Variants in SYN3 observed in about 807,000 individuals in gnomAD.
SYN3 encodes the protein synapsin-3.
SYN3 carries 35 observed loss-of-function variants against 65.8 expected under a neutral mutation model. The observed-to-expected ratio is 0.53, with a 90% CI of 0.41 to 0.70. SYN3 has a LOEUF of 0.70. Ranked by LOEUF, SYN3 falls within the 30% of genes least tolerant of loss-of-function variation. The probability of loss-of-function intolerance (pLI) is 0.00; values close to 1 mark genes in which losing one functional copy is unlikely to be tolerated. For synonymous variants in SYN3, 270 were observed against 292.9 expected (o/e 0.92, Z 0.80); for missense variants, 680 against 749.0 (o/e 0.91, Z 1.08).
rs187525042 is a variant in SYN3, at chr22:32,821,075, C to T, written c.711+43840G>A. On this transcript the variant is annotated intron_variant, in intron 6 of 13. Transcript: ENST00000358763. The stretch of plus-strand genomic sequence containing the variant: ...ATTTTTGAGCATAAAGAATACCCAC[C>T]GGTGCAATCTCCCAGGCTCTTCTGA... Among the ~76,000 whole-genome samples the T allele has an allele frequency of 4.6e-4, 70 of 152,120 alleles. 1 individual carries two copies. The highest frequency in any genetic ancestry group is 1.5e-3 in the African/African-American group (61 of 41,496).
intron 4 of SYN3, among the ~76,000 whole-genome samples, chr22:32,922,825 G>A (rs1382499460): frequency 1.3e-5 from 2 of 152,190 alleles, no homozygotes; most frequent in Non-Finnish European, 2.9e-5. Context: ...CACACAGACT[G>A]CAAGTTGGGG....
chr22:32,802,646 C>T (rs890012379), intron 6 of SYN3, among the ~76,000 whole-genome samples: 1 of 152,168 alleles, frequency 6.6e-6, no homozygotes, highest in African/African-American at 2.4e-5. Context: ...CTGCAGGCTT[C>T]CCAGGCAAGC....
At chr22:32,852,399 C>T (rs532124406) in intron 6 of SYN3, among the ~76,000 whole-genome samples, 2 of 152,244 alleles carry the variant, frequency 1.3e-5, no homozygotes, top group South Asian at 4.2e-4. Context: ...CAGTGTAGGG[C>T]TGGACTTGTA....
intron 6 of SYN3, among the ~76,000 whole-genome samples, chr22:32,821,375 C>G (rs2047241745): frequency 6.6e-6 from 1 of 152,228 alleles, no homozygotes; most frequent in Non-Finnish European, 1.5e-5. Flanking sequence ...TCTGCACTTG[C>G]TCTTCTGCTA....
intron 5 of SYN3, among the ~76,000 whole-genome samples, chr22:32,866,865 A>G (rs2048700615): frequency 6.6e-6 from 1 of 152,074 alleles, no homozygotes; most frequent in South Asian, 2.1e-4. Context: ...GAGTGTTCCA[A>G]CTCTACATGG....
At chr22:33,023,409 T>G (rs1238582426) in intron 1 of SYN3, among the ~76,000 whole-genome samples, 6 of 152,212 alleles carry the variant, frequency 3.9e-5, no homozygotes, top group Non-Finnish European at 5.9e-5. Context: ...GCCTTTGCTC[T>G]TCCTTGACCT....
intron 1 of SYN3, among the ~76,000 whole-genome samples, chr22:33,051,733 C>T (rs2145976445): frequency 6.6e-6 from 1 of 152,248 alleles, no homozygotes; most frequent in African/African-American, 2.4e-5. Flanking sequence ...GATCAAAATC[C>T]ATGAGACCAT....
intron 6 of SYN3, among the ~76,000 whole-genome samples, chr22:32,734,348 G>C (rs1309701930): frequency 6.6e-6 from 1 of 152,246 alleles, no homozygotes; most frequent in Non-Finnish European, 1.5e-5. Context: ...CAGGTGCAGG[G>C]GGGAGAGAGT....
At chr22:32,655,959 C>T (rs2060136735) in intron 6 of SYN3, among the ~76,000 whole-genome samples, 1 of 152,190 alleles carries the variant, frequency 6.6e-6, no homozygotes, top group African/African-American at 2.4e-5. Context: ...TTCACCACTT[C>T]ATGACCATTG....
chr22:32,679,048 C>CTTTTTTTTTTTTTTTTTTTT (rs145971116), intron 6 of SYN3, among the ~76,000 whole-genome samples: 83 of 85,662 alleles, frequency 9.7e-4, no homozygotes, highest in Non-Finnish European at 1.4e-3. Flanking sequence ...TTGTTTCTTT[C>CTTTTTTTTTTTTTTTTTTTT]TTTTTTTTTT....
chr22:32,853,705 G>T (rs1339702080), intron 6 of SYN3, among the ~76,000 whole-genome samples: 1 of 152,174 alleles, frequency 6.6e-6, no homozygotes, highest in East Asian at 1.9e-4. Flanking sequence ...GGAGAAAGGG[G>T]ACCAAACTCA....
rs2046605235 is a variant in SYN3, at chr22:32,802,139, CCCCG to C, written c.711+62772_711+62775del. The C allele has an allele frequency of 6.4e-7, 1 of 1,574,376 alleles. No homozygotes were observed. On this transcript the variant is annotated intron_variant, in intron 6 of 13. Transcript: ENST00000358763. The stretch of plus-strand genomic sequence containing the variant: ...CCGACATCGGTAAGCGCTCCTGGTG[CCCCG>C]CCCGAGCCCCACGCTGCAGCCAGGA...
At chr22:32,617,038 G>C (rs139254788) in intron 6 of SYN3, among the ~76,000 whole-genome samples, 3 of 152,282 alleles carry the variant, frequency 2.0e-5, no homozygotes, top group Non-Finnish European at 2.9e-5. Flanking sequence ...GCTGGCCAAG[G>C]CTTCACGTTT....
rs555884392 is a variant in SYN3 at position 32,725,224 on chromosome 22, G to GT, written c.712-128489dup. Among the ~76,000 whole-genome samples the GT allele has an allele frequency of 1.9e-3, 283 of 151,988 alleles. 2 individuals are homozygous for GT. Among genetic ancestry groups the GT allele is most frequent in the Non-Finnish European group, 3.0e-3 (205 of 67,954 alleles). On this transcript the variant is annotated intron_variant, in intron 6 of 13. Coordinates refer to ENST00000358763, the MANE Select transcript of SYN3 (RefSeq NM_003490.4). Reference sequence around the variant, plus strand: ...CAAGGGTTTCTTTCCACCACAGCAGGTTTTTTTTGCTACTTTGGAGGATGA... The same window carrying GT: ...CAAGGGTTTCTTTCCACCACAGCAGGTTTTTTTTTGCTACTTTGGAGGATGA...
At chr22:32,596,379 G>A (rs77326564) in intron 7 of SYN3, among the ~76,000 whole-genome samples, 8 of 152,124 alleles carry the variant, frequency 5.3e-5, no homozygotes, top group Admixed American at 2.0e-4. Flanking sequence ...AAATAATTAC[G>A]CTCAATAAAA....
intron 10 of SYN3, among the ~76,000 whole-genome samples, chr22:32,529,459 C>G (rs1055477318): frequency 2.6e-5 from 4 of 152,218 alleles, no homozygotes; most frequent in Admixed American, 2.6e-4. Flanking sequence ...CTGGAGTTGA[C>G]CCAGGGTTCA....
intron 3 of SYN3, among the ~76,000 whole-genome samples, chr22:32,940,581 T>C (rs2050908418): frequency 6.6e-6 from 1 of 152,242 alleles, no homozygotes; most frequent in South Asian, 2.1e-4. Flanking sequence ...TTTTTTCATA[T>C]GGTTATTCAT....
chr22:32,646,853 G>C (rs2059990881), intron 6 of SYN3, among the ~76,000 whole-genome samples: 1 of 152,208 alleles, frequency 6.6e-6, no homozygotes, highest in South Asian at 2.1e-4. Flanking sequence ...TTTTGGATGA[G>C]ATATTCCAGA....
chr22:32,972,042 G>T (rs1223090118), intron 3 of SYN3, among the ~76,000 whole-genome samples: 1 of 152,152 alleles, frequency 6.6e-6, no homozygotes, highest in Non-Finnish European at 1.5e-5. Flanking sequence ...AAGGAGATGT[G>T]ACCTTGGAAG....
Sources: gnomAD v4.1 joint callset for allele counts (sites outside exome capture counted in the v4.1 genomes callset) on GRCh38, gnomAD v4.1.1 for gene constraint, MANE v1.5 for transcripts, NCBI Gene and HGNC (gene_info 2026-07-23, HGNC 2026-07-21) for gene names.